The following NARS2 variants were observed in gnomAD, a reference collection of about 807,000 sequenced individuals.
The protein encoded by NARS2 is asparaginyl-tRNA synthetase.
A neutral mutation model predicts 62.9 loss-of-function variants in NARS2; 60 were observed. That is an observed-to-expected ratio of 0.95 (90% CI 0.77 to 1.18). The LOEUF (loss-of-function observed/expected upper bound fraction) is 1.18. Ranked by LOEUF, NARS2 falls within the 50% of genes most tolerant of loss-of-function variation. The probability of loss-of-function intolerance (pLI) is 0.00; values close to 1 mark genes in which losing one functional copy is unlikely to be tolerated. For synonymous variants in NARS2, 196 were observed against 200.0 expected (o/e 0.98, Z 0.17); for missense variants, 619 against 576.4 (o/e 1.07, Z -0.76).
intron 7 of NARS2, among the ~76,000 whole-genome samples, chr11:78,479,407 G>A (rs1166669294): frequency 6.6e-6 from 1 of 152,090 alleles, no homozygotes; most frequent in Non-Finnish European, 1.5e-5. Context: ...TCCTCAGGAG[G>A]CTGAGTTGGG....
chr11:78,572,387 C>A (rs1856961530), intron 1 of NARS2, among the ~76,000 whole-genome samples: 1 of 152,128 alleles, frequency 6.6e-6, no homozygotes, highest in South Asian at 2.1e-4. Context: ...GTCACGATAA[C>A]CTCTCTAAAT....
chr11:78,558,761 G>T, intron 5 of NARS2, among the ~76,000 whole-genome samples: 1 of 152,066 alleles, frequency 6.6e-6, no homozygotes. Flanking sequence ...GAGCCTTCAT[G>T]GGATGAACAA....
At chr11:78,503,323 C>T (rs531671864) in intron 6 of NARS2, among the ~76,000 whole-genome samples, 18 of 152,142 alleles carry the variant, frequency 1.2e-4, no homozygotes, top group Non-Finnish European at 2.4e-4. Context: ...CTGCAACCCC[C>T]GCCTCCCAGG....
At chr11:78,480,854 T>A (rs1181342059) in intron 7 of NARS2, among the ~76,000 whole-genome samples, 1 of 151,942 alleles carries the variant, frequency 6.6e-6, no homozygotes, top group African/African-American at 2.4e-5. Flanking sequence ...AGTCTTGCTC[T>A]GTCACCCAGA....
rs756522711 is a variant in NARS2, at chr11:78,443,743, G to T, written c.1180C>A (p.Leu394Ile). 2 of 1,611,014 alleles carry T rather than the reference G, an allele frequency of 1.2e-6. No individual in the cohort carries two copies. The highest frequency in any genetic ancestry group is 8.5e-7 in the Non-Finnish European group (1 of 1,178,204). Residue 394 changes from leucine to isoleucine, a missense_variant, in exon 12 of 14, where the codon CTT becomes ATT. Transcript: ENST00000281038. ...GPQHTVAAVD[L>I]LVPGVGELFG... is the part of the protein sequence containing the mutation. Reference sequence around the variant, plus strand: ...AGTTCCCCAACTCCAGGAACCAGAAGATCAACAGCAGCAACCTAAGGAAAA... The same window carrying T: ...AGTTCCCCAACTCCAGGAACCAGAATATCAACAGCAGCAACCTAAGGAAAA...
intron 11 of NARS2, among the ~76,000 whole-genome samples, chr11:78,445,027 A>C (rs1477806445): frequency 6.6e-6 from 1 of 152,206 alleles, no homozygotes; most frequent in Admixed American, 6.5e-5. Flanking sequence ...AAAAGTTCAA[A>C]TGTACATCAA....
intron 5 of NARS2, among the ~76,000 whole-genome samples, chr11:78,553,004 T>G (rs1856184925): frequency 6.6e-6 from 1 of 152,230 alleles, no homozygotes; most frequent in Non-Finnish European, 1.5e-5. Context: ...AAATGGTAGT[T>G]CTGCTTTTAG....
intron 6 of NARS2, among the ~76,000 whole-genome samples, chr11:78,512,777 T>C (rs114943528): frequency 6.6e-6 from 1 of 152,160 alleles, no homozygotes; most frequent in Non-Finnish European, 1.5e-5. Context: ...AATTTTAAAA[T>C]TTTTTAAATA....
At chr11:78,477,459 C>G (rs905352129) in intron 9 of NARS2, among the ~76,000 whole-genome samples, 2 of 152,174 alleles carry the variant, frequency 1.3e-5, no homozygotes, top group African/African-American at 4.8e-5. Context: ...TGAAGTCACC[C>G]TTAACTCCTC....
At chr11:78,534,988 T>C (rs1053204237) in intron 5 of NARS2, among the ~76,000 whole-genome samples, 5 of 152,174 alleles carry the variant, frequency 3.3e-5, no homozygotes, top group Admixed American at 6.5e-5. Context: ...TAATACAGTA[T>C]ATTAGTGGTA....
intron 5 of NARS2, among the ~76,000 whole-genome samples, chr11:78,537,903 C>T (rs1590830261): frequency 6.6e-6 from 1 of 152,184 alleles, no homozygotes; most frequent in East Asian, 1.9e-4. Context: ...AGTAGTCTCC[C>T]CTTATCCACA....
At chr11:78,561,582 A>G (rs1477230330) in intron 4 of NARS2, among the ~76,000 whole-genome samples, 1 of 152,240 alleles carries the variant, frequency 6.6e-6, no homozygotes, top group Non-Finnish European at 1.5e-5. Flanking sequence ...CCAAAATTAT[A>G]AAGTTCATAC....
rs186906443 is a variant in NARS2 at position 78,516,783 on chromosome 11, A to C, written c.689+12059T>G. On this transcript the variant is annotated intron_variant, in intron 6 of 13. Transcript: ENST00000281038. ...TTTTCTGATAAATAGAATTGATAGA[A>C]ACCCCTTTCCAATAGATAACTGTCT... 1.1e-4 allele frequency among the ~76,000 whole-genome samples: 16 copies of C among 152,360 alleles called. No individual in the cohort carries two copies. In the East Asian group the frequency reaches 2.9e-3, roughly 28 times the overall value.
chr11:78,551,813 T>C (rs942924066), intron 5 of NARS2, among the ~76,000 whole-genome samples: 1 of 151,964 alleles, frequency 6.6e-6, no homozygotes, highest in Non-Finnish European at 1.5e-5. Context: ...ATTGCGCCAT[T>C]GTACTCCAGC....
intron 5 of NARS2, among the ~76,000 whole-genome samples, chr11:78,553,243 C>T (rs1856194106): frequency 6.6e-6 from 1 of 152,050 alleles, no homozygotes; most frequent in African/African-American, 2.4e-5. Context: ...TTGTTGGCCT[C>T]AAGCATGTCT....
intron 7 of NARS2, among the ~76,000 whole-genome samples, chr11:78,487,051 G>C (rs1164091210): frequency 6.6e-6 from 1 of 152,020 alleles, no homozygotes; most frequent in Non-Finnish European, 1.5e-5. Flanking sequence ...CCCCAATTCT[G>C]AATTACAGAA....
At chr11:78,527,171 G>A (rs981463144) in intron 6 of NARS2, among the ~76,000 whole-genome samples, 1 of 152,144 alleles carries the variant, frequency 6.6e-6, no homozygotes, top group Non-Finnish European at 1.5e-5. Flanking sequence ...GTTTATAACT[G>A]ACCTAGCACT....
intron 5 of NARS2, among the ~76,000 whole-genome samples, chr11:78,538,994 CAAAAAAAAAAAAAAAAAA>C (rs59917269): frequency 6.0e-5 from 3 of 49,794 alleles, no homozygotes; most frequent in African/African-American, 9.0e-5. Flanking sequence ...GAATCCGTCT[CAAAAAAAAAAAAAAAAAA>C]AAAAAAAAAA....
chr11:78,563,885 GTATTATTATTAT>G (rs550249150), intron 4 of NARS2, among the ~76,000 whole-genome samples: 3 of 82,060 alleles, frequency 3.7e-5, no homozygotes, highest in Admixed American at 1.5e-4. Context: ...CACACACACA[GTATTATTATTAT>G]TATTATTATT....
Sources: allele counts gnomAD v4.1 joint callset (sites outside exome capture counted in the v4.1 genomes callset), GRCh38; gene constraint gnomAD v4.1.1; transcripts MANE v1.5; gene names NCBI Gene and HGNC (gene_info 2026-07-23, HGNC 2026-07-21).